The following DNAH8 variants were observed in gnomAD, a reference collection of about 807,000 sequenced individuals.
DNAH8 encodes the protein axonemal beta dynein heavy chain 8.
Under a neutral mutation model 562.1 loss-of-function variants are expected in DNAH8, and 382 were observed. The ratio of observed to expected loss-of-function variants is 0.68; its 90% CI spans 0.63 to 0.74. The LOEUF (loss-of-function observed/expected upper bound fraction) is 0.74, where lower values mean the gene tolerates loss of function less well. Ranked by LOEUF, DNAH8 falls within the 30% of genes least tolerant of loss-of-function variation. The pLI, the probability that DNAH8 is intolerant of heterozygous loss-of-function variation, is 0.00. For synonymous variants in DNAH8, 1,881 were observed against 1,919.4 expected (o/e 0.98, Z 0.52); for missense variants, 5,203 against 5,620.4 (o/e 0.93, Z 2.37).
intron 8 of DNAH8, 38 bp from the exon 9 acceptor site, chr6:38,750,438 T>C (rs2127594977): frequency 7.1e-7 from 1 of 1,409,184 alleles, no homozygotes; most frequent in Non-Finnish European, 1.0e-6. Context: ...CTGATATATT[T>C]GGATGTTTCA....
chr6:38,850,480 A>G (rs1377644934), intron 38 of DNAH8, 66 bp downstream of exon 38: 6 of 1,410,042 alleles, frequency 4.3e-6, no homozygotes, highest in East Asian at 4.7e-5. Context: ...CAAACTTACT[A>G]GTATTGACTA....
At chr6:38,767,447 A>AAC (rs1767126862) in intron 11 of DNAH8, among the ~76,000 whole-genome samples, 1 of 151,202 alleles carries the variant, frequency 6.6e-6, no homozygotes, top group Admixed American at 6.6e-5. Context: ...CAGGAAAAAA[A>AAC]AAAAAATTCC....
At chr6:38,951,576 T>G in intron 82 of DNAH8, 56 bp downstream of exon 82, 3 of 1,516,610 alleles carry the variant, frequency 2.0e-6, no homozygotes, top group Non-Finnish European at 2.7e-6. Flanking sequence ...TTGCCCCAAA[T>G]TTTGCCTTTC....
chr6:38,793,326 C>T (rs555391223), intron 21 of DNAH8, among the ~76,000 whole-genome samples: 25 of 152,162 alleles, frequency 1.6e-4, no homozygotes, highest in South Asian at 1.2e-3. Flanking sequence ...TGAGATGACC[C>T]GTTTTAACAT....
intron 39 of DNAH8, 118 bp downstream of exon 39, chr6:38,851,792 T>C: frequency 1.4e-6 from 1 of 710,874 alleles, no homozygotes; most frequent in Non-Finnish European, 2.4e-6. Context: ...ACAAATTACA[T>C]TGATCATAAA....
intron 62 of DNAH8, among the ~76,000 whole-genome samples, chr6:38,900,569 C>T (rs1268140279): frequency 1.3e-5 from 2 of 152,046 alleles, no homozygotes; most frequent in Non-Finnish European, 2.9e-5. Flanking sequence ...ATGAGAGTTG[C>T]TCCGCATCCT....
At chr6:39,022,731 C>T (rs574662006) in intron 91 of DNAH8, among the ~76,000 whole-genome samples, 38 of 152,296 alleles carry the variant, frequency 2.5e-4, no homozygotes, top group South Asian at 8.3e-4. Flanking sequence ...CACATGTTCC[C>T]CTTGGGTGTC....
At chr6:38,760,752 C>T (rs1435323109) in intron 10 of DNAH8, among the ~76,000 whole-genome samples, 2 of 152,108 alleles carry the variant, frequency 1.3e-5, no homozygotes, top group African/African-American at 2.4e-5. Context: ...TTAAAAGATC[C>T]TGGCATCTCT....
intron 82 of DNAH8, among the ~76,000 whole-genome samples, chr6:38,959,061 C>T (rs1762450158): frequency 6.6e-6 from 1 of 152,066 alleles, no homozygotes; most frequent in African/African-American, 2.4e-5. Flanking sequence ...AGAGAAAGAA[C>T]TGGATAAGAT....
In DNAH8 at chr6:38,990,027, A is replaced by C. The variant is rs139250593; in HGVS notation, c.13069A>C (p.Lys4357Gln). 5.6e-6 allele frequency: 9 copies of C among 1,595,332 alleles called. No homozygotes were observed. The highest frequency in any genetic ancestry group is 7.7e-6 in the Non-Finnish European group (9 of 1,165,434). ...TCACATACAGGTCTGGTTCAGTGAG[A>C]AGATGTTTGAACCGTCATTCTGCTT... Reference protein sequence around the residue: ...NCFARVWFSEKMFEPSFCFYT... With the variant: ...NCFARVWFSEQMFEPSFCFYT... Residue 4357 changes from lysine to glutamine, a missense_variant, in exon 88 of 93, where the codon AAG becomes CAG. Coordinates refer to ENST00000327475, the MANE Select transcript of DNAH8 (RefSeq NM_001206927.2).
intron 88 of DNAH8, among the ~76,000 whole-genome samples, chr6:38,992,998 T>C (rs1454205096): frequency 1.3e-5 from 2 of 152,200 alleles, no homozygotes; most frequent in Non-Finnish European, 2.9e-5. Flanking sequence ...GCTATATCTA[T>C]GTATAATCAC....
At chr6:38,779,822 T>A (rs1415573582) in intron 14 of DNAH8, 144 bp from the exon 15 acceptor site, 14 of 782,888 alleles carry the variant, frequency 1.8e-5, no homozygotes, top group Non-Finnish European at 2.8e-5. Context: ...GTACCTCCTA[T>A]CTCGTTCATT....
intron 80 of DNAH8, among the ~76,000 whole-genome samples, chr6:38,948,537 C>T (rs1761617295): frequency 6.6e-6 from 1 of 152,028 alleles, no homozygotes; most frequent in South Asian, 2.1e-4. Flanking sequence ...CAGGGTTTCT[C>T]CATGTTGGTC....
intron 70 of DNAH8, among the ~76,000 whole-genome samples, chr6:38,918,702 A>G (rs1223274296): frequency 2.0e-5 from 3 of 152,180 alleles, no homozygotes. Context: ...GGGTCCAAGC[A>G]CTCCATAATG....
intron 56 of DNAH8, among the ~76,000 whole-genome samples, chr6:38,884,415 A>T (rs1406118824): frequency 6.6e-6 from 1 of 152,022 alleles, no homozygotes; most frequent in African/African-American, 2.4e-5. Flanking sequence ...TTCCTCAGCC[A>T]CCTGAGTAGC....
rs777871564 is a variant in DNAH8 at position 38,868,090 on chromosome 6, T to G, written c.6722T>G (p.Ile2241Ser). 1.1e-5 allele frequency: 17 copies of G among 1,611,832 alleles called. No homozygotes were observed. The highest frequency in any genetic ancestry group is 1.1e-5 in the Non-Finnish European group (13 of 1,179,498). Residue 2241 changes from isoleucine (I) to serine (S), a missense_variant, in exon 48 of 93, where the codon ATT becomes AGT. Coordinates refer to ENST00000327475, the MANE Select transcript of DNAH8 (RefSeq NM_001206927.2). ...CATTATGACTTTGGATTGAGAAATA[T>G]TCTGTCTGTATTGAGGACTCTTGGA... ...QVHYDFGLRN[I>S]LSVLRTLGSQ...
intron 92 of DNAH8, among the ~76,000 whole-genome samples, chr6:39,028,055 C>T (rs1404748737): frequency 1.3e-5 from 2 of 152,058 alleles, no homozygotes; most frequent in African/African-American, 4.8e-5. Context: ...CTTCAGTTTC[C>T]AGTATTATCT....
chr6:38,720,305 T>C (rs1762647943), intron 1 of DNAH8, among the ~76,000 whole-genome samples: 1 of 152,158 alleles, frequency 6.6e-6, no homozygotes, highest in Admixed American at 6.5e-5. Context: ...TCCCCATTCC[T>C]GGAAACTCTG....
intron 23 of DNAH8, among the ~76,000 whole-genome samples, chr6:38,805,840 T>C (rs1276724098): frequency 2.6e-5 from 4 of 152,254 alleles, no homozygotes; most frequent in African/African-American, 9.6e-5. Flanking sequence ...CTCATTGTGA[T>C]TGACCATGTT....
Sources: gnomAD v4.1 joint callset for allele counts (sites outside exome capture counted in the v4.1 genomes callset) on GRCh38, gnomAD v4.1.1 for gene constraint, MANE v1.5 for transcripts, NCBI Gene and HGNC (gene_info 2026-07-23, HGNC 2026-07-21) for gene names.